Variants in PTPN12 observed in about 807,000 individuals in gnomAD.
PTPN12 encodes the protein protein tyrosine phosphatase non-receptor type 12.
Under a neutral mutation model 97.6 loss-of-function variants are expected in PTPN12, and 29 were observed. The ratio of observed to expected loss-of-function variants is 0.30; its 90% CI spans 0.22 to 0.41. PTPN12 has a LOEUF of 0.41. Ranked by LOEUF, PTPN12 falls within the 10% of genes least tolerant of loss-of-function variation. PTPN12 has a pLI of 1.00. For missense variants in PTPN12, 819 were observed against 926.0 expected (o/e 0.88, Z 1.50); for synonymous variants, 327 against 300.4 (o/e 1.09, Z -0.91).
intron 2 of PTPN12, among the ~76,000 whole-genome samples, chr7:77,573,039 C>T (rs80309604): frequency 0.23 from 30,448 of 135,288 alleles, 4,141 homozygotes; most frequent in East Asian, 0.71. Context: ...GCCGAGATTG[C>T]GCCATTGCAT....
chr7:77,556,929 T>G (rs1279309554), intron 1 of PTPN12, among the ~76,000 whole-genome samples: 1 of 151,850 alleles, frequency 6.6e-6, no homozygotes, highest in African/African-American at 2.4e-5. Flanking sequence ...TGGGGTCCCC[T>G]TTGGATTGGG....
At chr7:77,561,486 G>A (rs1020603191) in intron 1 of PTPN12, among the ~76,000 whole-genome samples, 5 of 152,096 alleles carry the variant, frequency 3.3e-5, no homozygotes, top group Non-Finnish European at 5.9e-5. Context: ...TAGAAAGTTT[G>A]GTCAGCTGAC....
intron 12 of PTPN12, among the ~76,000 whole-genome samples, chr7:77,620,034 A>T (rs114477607): frequency 0.016 from 2,425 of 152,306 alleles, 64 homozygotes; most frequent in African/African-American, 0.055. Flanking sequence ...TCTCTGTTCC[A>T]TATAGGAGCC....
intron 12 of PTPN12, among the ~76,000 whole-genome samples, chr7:77,626,219 T>C (rs1215788557): frequency 6.6e-6 from 1 of 152,092 alleles, no homozygotes; most frequent in African/African-American, 2.4e-5. Context: ...AACAAGACAC[T>C]ATAGAAGAAA....
At chr7:77,638,781 A>G (rs376891182) in intron 17 of PTPN12, 50 bp downstream of exon 17, 4 of 1,549,580 alleles carry the variant, frequency 2.6e-6, no homozygotes, top group African/African-American at 1.4e-5. Flanking sequence ...ACTGGCAGGA[A>G]TGAGAAAAGC....
At chr7:77,632,868 A>G (rs1789450723) in intron 14 of PTPN12, among the ~76,000 whole-genome samples, 1 of 152,226 alleles carries the variant, frequency 6.6e-6, no homozygotes, top group Admixed American at 6.5e-5. Context: ...GAGGCAGGAA[A>G]ATGACTTGAA....
chr7:77,541,547 C>T (rs1806975519), intron 1 of PTPN12, among the ~76,000 whole-genome samples: 1 of 152,088 alleles, frequency 6.6e-6, no homozygotes, highest in African/African-American at 2.4e-5. Context: ...CCCAGGAGTA[C>T]TAGGTAGACG....
chr7:77,606,475 C>T (rs1047358009), intron 8 of PTPN12, among the ~76,000 whole-genome samples: 6 of 152,036 alleles, frequency 3.9e-5, no homozygotes, highest in African/African-American at 1.4e-4. Context: ...TGGCTTACTG[C>T]AGCCTCGACC....
intron 5 of PTPN12, among the ~76,000 whole-genome samples, chr7:77,588,154 G>C (rs1202516098): frequency 1.3e-5 from 2 of 152,162 alleles, no homozygotes; most frequent in Non-Finnish European, 2.9e-5. Context: ...AAACTTGGCT[G>C]ATTAGTACAA....
chr7:77,635,688 T>C, intron 14 of PTPN12, 94 bp from the exon 15 acceptor site: 1 of 718,900 alleles, frequency 1.4e-6, no homozygotes. Context: ...CGATAGTTTC[T>C]AAAATCTTTA....
chr7:77,605,425 T>G (rs1234060222), intron 8 of PTPN12, among the ~76,000 whole-genome samples: 3 of 134,814 alleles, frequency 2.2e-5, no homozygotes, highest in Non-Finnish European at 3.2e-5. Context: ...TTTTTTTTTT[T>G]TTTTTTTTTT....
chr7:77,605,409 G>GGTTTTTTGTTT (rs1554321255), intron 8 of PTPN12, among the ~76,000 whole-genome samples: 2 of 95,560 alleles, frequency 2.1e-5, no homozygotes, highest in Non-Finnish European at 4.0e-5. Context: ...TTTGTCATGA[G>GGTTTTTTGTTT]TTTTTTTTTT....
intron 2 of PTPN12, among the ~76,000 whole-genome samples, chr7:77,580,985 A>T (rs777383181): frequency 1.3e-5 from 2 of 152,214 alleles, no homozygotes; most frequent in Non-Finnish European, 2.9e-5. Context: ...AGTTCCAGAG[A>T]TGATTCTTAT....
At chr7:77,580,220 T>C (rs553277781) in intron 2 of PTPN12, among the ~76,000 whole-genome samples, 1 of 152,326 alleles carries the variant, frequency 6.6e-6, no homozygotes, top group South Asian at 2.1e-4. Flanking sequence ...ATCCAAACAC[T>C]TGGGAGCCTG....
chr7:77,585,436 C>T, intron 4 of PTPN12, 107 bp from the exon 5 acceptor site: 1 of 905,578 alleles, frequency 1.1e-6, no homozygotes. Flanking sequence ...TTAGGCAAGC[C>T]AATTATACTT....
intron 12 of PTPN12, among the ~76,000 whole-genome samples, chr7:77,623,450 C>T (rs1789016994): frequency 6.6e-6 from 1 of 152,244 alleles, no homozygotes; most frequent in Non-Finnish European, 1.5e-5. Context: ...GTGTTTCACA[C>T]CTGTAATCCC....
At position 77,627,200 on chromosome 7, in the gene PTPN12, A is replaced by G. The variant is rs968507470; in HGVS notation, c.1521A>G (p.Ser507=). 1.2e-6 allele frequency: 2 copies of G among 1,614,068 alleles called. No individual in the cohort carries two copies. The highest frequency in any genetic ancestry group is 2.7e-5 in the African/African-American group (2 of 74,934). Reference sequence around the variant, plus strand: ...GTGTAACACAATCAAACAAAGTTTCAGTTACTCCACCAGAAGAATCCCAGA... The same window carrying G: ...GTGTAACACAATCAAACAAAGTTTCGGTTACTCCACCAGAAGAATCCCAGA... ...DCSVTQSNKV[S]VTPPEESQNS... The change falls in exon 13 of 18, where the codon TCA becomes TCG. Residue 507 remains serine (S), a synonymous_variant. Coordinates refer to ENST00000248594, the MANE Select transcript of PTPN12 (RefSeq NM_002835.4).
intron 8 of PTPN12, among the ~76,000 whole-genome samples, chr7:77,603,356 G>A (rs1182230245): frequency 1.3e-5 from 2 of 152,188 alleles, no homozygotes; most frequent in Non-Finnish European, 2.9e-5. Context: ...TACGTTAACT[G>A]TAAGGACTTA....
intron 12 of PTPN12, among the ~76,000 whole-genome samples, chr7:77,625,186 G>T (rs1789089934): frequency 6.6e-6 from 1 of 151,166 alleles, no homozygotes; most frequent in South Asian, 2.1e-4. Flanking sequence ...CAAGAAGTTT[G>T]CTTCATATAA....
Sources: gnomAD v4.1 joint callset for allele counts (sites outside exome capture counted in the v4.1 genomes callset) on GRCh38, gnomAD v4.1.1 for gene constraint, MANE v1.5 for transcripts, NCBI Gene and HGNC (gene_info 2026-07-23, HGNC 2026-07-21) for gene names.